Variants in ASH1L observed in about 807,000 individuals in gnomAD.
ASH1L encodes ASH1 like histone lysine methyltransferase.
Under a neutral mutation model 269.0 loss-of-function variants are expected in ASH1L, and 23 were observed. That is an observed-to-expected ratio of 0.09 (90% CI 0.06 to 0.12). The LOEUF is 0.12. Ranked by LOEUF, ASH1L falls within the 10% of genes least tolerant of loss-of-function variation. The pLI is 1.00. For synonymous variants in ASH1L, 1,187 were observed against 1,253.5 expected, an observed-to-expected ratio of 0.95 and a Z score of 1.12; for missense variants, 2,912 against 3,567.8, an observed-to-expected ratio of 0.82 and a Z score of 4.68.
At chr1:155,562,943 TC>T (rs765390567), upstream of ASH1L, 2 of 428,002 alleles carry the variant, frequency 4.7e-6, no homozygotes, top group Admixed American at 2.6e-5. Flanking sequence ...CCTCCCACAA[TC>T]CCCCCCGCGG....
chr1:155,472,532 T>TAATC (rs1665180279), intron 3 of ASH1L, among the ~76,000 whole-genome samples: 1 of 152,174 alleles, frequency 6.6e-6, no homozygotes, highest in Non-Finnish European at 1.5e-5. Context: ...TCATCCTTTA[T>TAATC]AATCTCCTTC....
chr1:155,422,207 G>C (rs183425817), intron 5 of ASH1L, among the ~76,000 whole-genome samples: 1 of 151,854 alleles, frequency 6.6e-6, no homozygotes, highest in South Asian at 2.1e-4. Flanking sequence ...GCACGATCTC[G>C]GCTCGCTGCA....
intron 21 of ASH1L, 109 bp downstream of exon 21, chr1:155,346,274 C>T: frequency 2.6e-6 from 4 of 1,552,194 alleles, no homozygotes; most frequent in Non-Finnish European, 3.5e-6. Context: ...CCCAGAGAGG[C>T]TGAACAACCT....
intron 1 of ASH1L, among the ~76,000 whole-genome samples, chr1:155,535,167 C>A (rs1462132196): frequency 2.1e-5 from 3 of 143,126 alleles, no homozygotes; most frequent in Non-Finnish European, 4.5e-5. Context: ...CCAGCCTGGG[C>A]AACAATAGTA....
chr1:155,454,653 A>T (rs1374316594), intron 4 of ASH1L, among the ~76,000 whole-genome samples: 7 of 152,166 alleles, frequency 4.6e-5, no homozygotes, highest in Non-Finnish European at 1.5e-5. Flanking sequence ...CTATAATCCC[A>T]GCTACAAGAG....
intron 6 of ASH1L, among the ~76,000 whole-genome samples, chr1:155,408,231 A>G (rs2148517215): frequency 6.6e-6 from 1 of 152,366 alleles, no homozygotes; most frequent in South Asian, 2.1e-4. Flanking sequence ...AACTAAGCCA[A>G]GACTAAACTG....
chr1:155,433,962 G>C (rs1661849033), intron 5 of ASH1L: 1 of 1,581,106 alleles, frequency 6.3e-7, no homozygotes, highest in Non-Finnish European at 8.6e-7. Flanking sequence ...CAGCAGATCA[G>C]CCACATCGCC....
At chr1:155,559,482 T>C (rs1438398635) in intron 1 of ASH1L, among the ~76,000 whole-genome samples, 7 of 150,334 alleles carry the variant, frequency 4.7e-5, no homozygotes, top group African/African-American at 1.2e-4. Context: ...TTGCAGTGAA[T>C]TGAGATAGCG....
intron 3 of ASH1L, among the ~76,000 whole-genome samples, chr1:155,462,368 T>A (rs1294308624): frequency 2.0e-5 from 3 of 152,198 alleles, no homozygotes; most frequent in Admixed American, 2.0e-4. Flanking sequence ...TTCTTGGTCA[T>A]CTTCAAGAAA....
At chr1:155,375,206 G>A (rs1283429019) in intron 10 of ASH1L, among the ~76,000 whole-genome samples, 1 of 152,146 alleles carries the variant, frequency 6.6e-6, no homozygotes, top group Non-Finnish European at 1.5e-5. Flanking sequence ...AGAGTGCTCA[G>A]ATAAGAGAGA....
At chr1:155,352,676 AAG>A (rs1413089061) in intron 17 of ASH1L, 28 bp downstream of exon 17, 1 of 1,554,134 alleles carries the variant, frequency 6.4e-7, no homozygotes, top group East Asian at 2.3e-5. Flanking sequence ...AAAAGAAAAA[AAG>A]AACGAATTTG....
rs185360863 is a variant in ASH1L, at chr1:155,407,066, T to C, written c.6008+8678A>G. On this transcript the variant is annotated intron_variant, in intron 6 of 27. Transcript: ENST00000392403. ...GGTGAAACCCCATCTCTACTAAGAA[T>C]ACAAAAATTAGCCAGGCGTGGTGGT... Among the ~76,000 whole-genome samples, 285 of 151,942 alleles carry C rather than the reference T, an allele frequency of 1.9e-3. 2 individuals carry two copies. Among genetic ancestry groups the C allele is most frequent in the African/African-American group, 6.7e-3 (276 of 41,464 alleles).
intron 7 of ASH1L, among the ~76,000 whole-genome samples, chr1:155,394,571 T>C (rs569844146): frequency 2.0e-5 from 3 of 152,118 alleles, no homozygotes; most frequent in Non-Finnish European, 2.9e-5. Context: ...ATTTCAGGGA[T>C]AGAAACACAA....
chr1:155,535,255 G>A (rs1214779831), intron 1 of ASH1L, among the ~76,000 whole-genome samples: 2 of 149,912 alleles, frequency 1.3e-5, no homozygotes, highest in East Asian at 1.9e-4. Context: ...TTTAAGACTG[G>A]GTTTTGCTCT....
chr1:155,406,324 G>T lies in ASH1L; in HGVS notation c.6008+9420C>A, dbSNP rs149305681. Among the ~76,000 whole-genome samples, 53 of 152,104 alleles carry T rather than the reference G, an allele frequency of 3.5e-4. No individual in the cohort carries two copies. The East Asian group carries it at 6.5e-3, about 19-fold the overall frequency. On this transcript the variant is annotated intron_variant, in intron 6 of 27. Transcript: ENST00000392403. The stretch of plus-strand genomic sequence containing the variant: ...GATCCTAAAAAATCACAGAGAAATG[G>T]CAAGGAATCCAGGAATAGCCAAAAC...
At chr1:155,530,213 T>A (rs928759003) in intron 1 of ASH1L, among the ~76,000 whole-genome samples, 3 of 152,146 alleles carry the variant, frequency 2.0e-5, no homozygotes, top group Admixed American at 6.5e-5. Flanking sequence ...CAGTATCCTA[T>A]TTTATTCTCA....
At chr1:155,520,592 G>A (rs1484794525) in intron 2 of ASH1L, among the ~76,000 whole-genome samples, 1 of 151,986 alleles carries the variant, frequency 6.6e-6, no homozygotes, top group Non-Finnish European at 1.5e-5. Flanking sequence ...GCCAGGCGTG[G>A]TGGCTCATGC....
At chr1:155,491,120 AAG>A (rs1419502830) in intron 2 of ASH1L, among the ~76,000 whole-genome samples, 1 of 151,972 alleles carries the variant, frequency 6.6e-6, no homozygotes, top group East Asian at 1.9e-4. Flanking sequence ...AAAGCTGTTC[AAG>A]ATCCTGGTCC....
chr1:155,453,453 A>G (rs1447730553), intron 4 of ASH1L, among the ~76,000 whole-genome samples: 1 of 152,152 alleles, frequency 6.6e-6, no homozygotes, highest in East Asian at 1.9e-4. Context: ...TTCTCATTCC[A>G]TACCGTCATA....
Sources: allele counts gnomAD v4.1 joint callset (sites outside exome capture counted in the v4.1 genomes callset), GRCh38; gene constraint gnomAD v4.1.1; transcripts MANE v1.5; gene names NCBI Gene and HGNC (gene_info 2026-07-23, HGNC 2026-07-21).